Variants in ABR observed in about 807,000 individuals in gnomAD.
ABR encodes ABR activator of RhoGEF and GTPase, also known as active breakpoint cluster region-related protein.
A neutral mutation model predicts 107.2 loss-of-function variants in ABR; 35 were observed. That is an observed-to-expected ratio of 0.33 (90% CI 0.25 to 0.43). The LOEUF (loss-of-function observed/expected upper bound fraction) is 0.43, where lower values mean the gene tolerates loss of function less well. Ranked by LOEUF, ABR falls within the 20% of genes least tolerant of loss-of-function variation. ABR has a pLI of 1.00. For missense variants in ABR, 815 were observed against 1,115.2 expected (o/e 0.73, Z 3.83); for synonymous variants, 498 against 462.0 (o/e 1.08, Z -1.00).
At chr17:1,134,186 G>A (rs2039960393) in intron 1 of ABR, among the ~76,000 whole-genome samples, 1 of 152,176 alleles carries the variant, frequency 6.6e-6, no homozygotes, top group Non-Finnish European at 1.5e-5. Context: ...GCTGAGGCAG[G>A]TGGATCACCT....
intron 5 of ABR, among the ~76,000 whole-genome samples, chr17:1,081,119 T>C (rs989871161): frequency 3.3e-5 from 5 of 152,208 alleles, no homozygotes; most frequent in African/African-American, 1.2e-4. Flanking sequence ...CTCTGCACCA[T>C]GTCTGACCCC....
chr17:1,113,702 C>T (rs767268835), intron 2 of ABR, among the ~76,000 whole-genome samples: 1 of 152,184 alleles, frequency 6.6e-6, no homozygotes, highest in Non-Finnish European at 1.5e-5. Context: ...ACTCTACGTT[C>T]CCAATCGTGG....
At chr17:1,041,101 G>A (rs954053032) in intron 16 of ABR, among the ~76,000 whole-genome samples, 1 of 152,150 alleles carries the variant, frequency 6.6e-6, no homozygotes, top group Admixed American at 6.5e-5. Flanking sequence ...TCTATTTTTA[G>A]TAGAGACGGC....
chr17:1,061,887 G>T (rs908849813), intron 10 of ABR, among the ~76,000 whole-genome samples: 8 of 152,160 alleles, frequency 5.3e-5, no homozygotes, highest in Admixed American at 3.9e-4. Context: ...GAGGAACATG[G>T]AACAGAAGAA....
chr17:1,083,767 C>T (rs577377493), intron 4 of ABR, 140 bp from the exon 5 acceptor site: 37 of 700,026 alleles, frequency 5.3e-5, no homozygotes, highest in African/African-American at 2.8e-4. Context: ...CTTGGGGAAA[C>T]GCAGGGATGA....
intron 1 of ABR, among the ~76,000 whole-genome samples, chr17:1,177,463 G>C (rs1300373838): frequency 6.6e-6 from 1 of 152,160 alleles, no homozygotes; most frequent in African/African-American, 2.4e-5. Context: ...CCTGAATCAG[G>C]GCTGCCCAAC....
chr17:1,195,304 C>CAAAGAAAAAA (rs2042535590), intron 1 of ABR, among the ~76,000 whole-genome samples: 1 of 87,638 alleles, frequency 1.1e-5, no homozygotes, highest in Non-Finnish European at 2.4e-5. Flanking sequence ...GAGACTGTCT[C>CAAAGAAAAAA]AAAAAAAAAA....
intron 2 of ABR, among the ~76,000 whole-genome samples, chr17:1,104,505 C>T (rs955112630): frequency 1.6e-4 from 25 of 152,278 alleles, no homozygotes; most frequent in East Asian, 5.8e-4. Flanking sequence ...GCTTCACAGA[C>T]GGTAGAAGTC....
chr17:1,102,009 A>C (rs963045456), intron 2 of ABR, among the ~76,000 whole-genome samples: 1 of 152,162 alleles, frequency 6.6e-6, no homozygotes, highest in Non-Finnish European at 1.5e-5. Context: ...CTGGGATTAC[A>C]GGTGTGAGCC....
chr17:1,015,255 A>G (rs2071049996), intron 16 of ABR, among the ~76,000 whole-genome samples: 1 of 151,712 alleles, frequency 6.6e-6, no homozygotes, highest in Non-Finnish European at 1.5e-5. Flanking sequence ...TGTCTCTACT[A>G]AAAATACAAA....
intron 4 of ABR, among the ~76,000 whole-genome samples, chr17:1,085,567 G>C (rs1272619444): frequency 6.6e-6 from 1 of 152,130 alleles, no homozygotes; most frequent in African/African-American, 2.4e-5. Context: ...CGATTGCTTA[G>C]CAAATCCACT....
Position 1,049,594 on chromosome 17 carries a change from C to G in ABR, c.1791+456G>C, listed in dbSNP as rs762656970. On this transcript the variant is annotated intron_variant, in intron 16 of 22. Transcript: ENST00000302538. ...CAACAAGTCAGAGACCCCCCTCCCC[C>G]CAAGCCAACCAGCAGGACCCTAAGT... Among the ~76,000 whole-genome samples, 40 of 152,286 alleles carry G rather than the reference C, an allele frequency of 2.6e-4. 1 individual carries two copies. Among genetic ancestry groups the G allele is most frequent in the African/African-American group, 7.9e-4 (33 of 41,562 alleles).
chr17:1,038,012 G>A lies in ABR; in HGVS notation c.1791+12038C>T, dbSNP rs142646535. ...TTTTTTCCAAATGAAATTTTATGCC[G>A]ACGTCTCCCTGCCCACCTCGTCGGA... On this transcript the variant is annotated intron_variant, in intron 16 of 22. Transcript: ENST00000302538. Among the ~76,000 whole-genome samples, 36 of 152,264 alleles carry A rather than the reference G, an allele frequency of 2.4e-4. No homozygotes were observed. The East Asian group carries it at 2.7e-3, about 11-fold the overall frequency.
chr17:1,198,917 G>A (rs1363925980), intron 1 of ABR, among the ~76,000 whole-genome samples: 3 of 149,538 alleles, frequency 2.0e-5, no homozygotes, highest in African/African-American at 7.5e-5. Flanking sequence ...ACAGGCGTGA[G>A]CTACCGCGCC....
Position 1,165,488 on chromosome 17 carries a change from T to C in ABR, c.61+14179A>G, listed in dbSNP as rs114257940. On this transcript the variant is annotated intron_variant, in intron 1 of 22. Transcript: ENST00000302538. ...CTCAGGAAGCTCCAGAGGAAACCCC[T>C]CAGGAAGTCCTGAAATAGTTCCACA... Among the ~76,000 whole-genome samples the C allele has an allele frequency of 8.8e-3, 1,345 of 152,346 alleles. 19 individuals are homozygous for C. The highest frequency in any genetic ancestry group is 0.031 in the African/African-American group (1,285 of 41,572).
chr17:1,045,691 C>T (rs1262731303), intron 16 of ABR, among the ~76,000 whole-genome samples: 3 of 152,188 alleles, frequency 2.0e-5, no homozygotes, highest in East Asian at 1.9e-4. Flanking sequence ...GTGCTGGGCT[C>T]GTCCTGGGCT....
chr17:1,018,812 C>A (rs2071403379), intron 16 of ABR, among the ~76,000 whole-genome samples: 1 of 152,226 alleles, frequency 6.6e-6, no homozygotes, highest in Non-Finnish European at 1.5e-5. Context: ...ATCCTCTACA[C>A]ACAGCATCTG....
chr17:1,102,139 C>T (rs1351285099), intron 2 of ABR, among the ~76,000 whole-genome samples: 2 of 152,222 alleles, frequency 1.3e-5, no homozygotes, highest in East Asian at 1.9e-4. Flanking sequence ...CGTCCCTACC[C>T]TTCCAGTCTT....
rs2150687060 is a variant in ABR, at chr17:1,006,030, A to G, written c.*50T>C. On this transcript the variant is annotated 3_prime_UTR_variant, in exon 23 of 23. Transcript: ENST00000302538. ...GTCTTTCAAGTCTGAGTTGGACCCCAGGCTGGAGGGGCTGGTTCCACCACC... is the reference window on the plus strand; with the variant it reads ...GTCTTTCAAGTCTGAGTTGGACCCCGGGCTGGAGGGGCTGGTTCCACCACC... 1 of 1,474,146 alleles carries G rather than the reference A, an allele frequency of 6.8e-7. No individual in the cohort carries two copies. Among genetic ancestry groups the G allele is most frequent in the Non-Finnish European group, 9.3e-7 (1 of 1,076,776 alleles). 91.3% of individuals were successfully genotyped at this position (1,474,146 alleles called of 1,614,324 possible).
Sources: gnomAD v4.1 joint callset for allele counts (sites outside exome capture counted in the v4.1 genomes callset) on GRCh38, gnomAD v4.1.1 for gene constraint, MANE v1.5 for transcripts, NCBI Gene and HGNC (gene_info 2026-07-23, HGNC 2026-07-21) for gene names.